DEPDC4: variants seen among roughly 807,000 people sequenced by gnomAD.
DEPDC4 encodes the protein DEP domain containing 4, also known as DEP domain-containing protein 4.
DEPDC4 carries 52 observed loss-of-function variants against 52.0 expected under a neutral mutation model. The observed-to-expected ratio is 1.00, with a 90% CI of 0.80 to 1.26. DEPDC4 has a LOEUF of 1.26. Ranked by LOEUF, DEPDC4 falls within the 50% of genes most tolerant of loss-of-function variation. DEPDC4 has a pLI of 0.00. For missense variants in DEPDC4, 530 were observed against 546.9 expected, an observed-to-expected ratio of 0.97 and a Z score of 0.31; for synonymous variants, 201 against 196.8, an observed-to-expected ratio of 1.02 and a Z score of -0.18.
chr12:100,252,159 C>A lies in DEPDC4; in HGVS notation c.1374+17G>T, dbSNP rs898111430. The stretch of plus-strand genomic sequence containing the variant: ...TAGCTTAGTAATAAATGTGCCCAGG[C>A]AAAATGCCAGAGATACCTTGAAGAG... On this transcript the variant is annotated intron_variant, in intron 7 of 9. Transcript: ENST00000550587. 4.3e-6 allele frequency: 5 copies of A among 1,156,342 alleles called. No individual in the cohort carries two copies. The Admixed American group carries it at 1.9e-4, about 44-fold the overall frequency. 71.6% of individuals were successfully genotyped at this position (1,156,342 alleles called of 1,614,324 possible).
chr12:100,258,804 T>C (rs2096243548), intron 3 of DEPDC4, among the ~76,000 whole-genome samples: 3 of 151,782 alleles, frequency 2.0e-5, no homozygotes, highest in African/African-American at 7.3e-5. Context: ...GGCGCGGTGG[T>C]TCACGTCTGT....
the DEPDC4 span, among the ~76,000 whole-genome samples, chr12:100,275,778 A>G: frequency 6.6e-6 from 1 of 152,324 alleles, no homozygotes; most frequent in East Asian, 1.9e-4. Context: ...AAAAGTGGTT[A>G]GTATTTTATC....
intron 7 of DEPDC4, among the ~76,000 whole-genome samples, chr12:100,250,188 A>G (rs970166549): frequency 3.9e-5 from 6 of 151,962 alleles, no homozygotes; most frequent in Non-Finnish European, 5.9e-5. Context: ...CCTTTTCTCC[A>G]TTTGTGGCCT....
intron 8 of DEPDC4, 70 bp downstream of exon 8, chr12:100,248,830 G>T: frequency 4.7e-6 from 3 of 634,054 alleles, no homozygotes; most frequent in Non-Finnish European, 5.9e-6. Flanking sequence ...ACTCATCTTT[G>T]ATGCCTTCCC....
At chr12:100,245,593 G>A (rs2096181819) in intron 8 of DEPDC4, among the ~76,000 whole-genome samples, 1 of 152,210 alleles carries the variant, frequency 6.6e-6, no homozygotes, top group Non-Finnish European at 1.5e-5. Flanking sequence ...ACCCACAAGT[G>A]AAATCAATTG....
At chr12:100,247,875 T>C (rs1397035226) in intron 8 of DEPDC4, among the ~76,000 whole-genome samples, 1 of 152,208 alleles carries the variant, frequency 6.6e-6, no homozygotes, top group East Asian at 1.9e-4. Flanking sequence ...TTTCCAACAA[T>C]TAATAATGCC....
chr12:100,236,994 C>G (rs908492883), downstream of DEPDC4, among the ~76,000 whole-genome samples: 10 of 151,772 alleles, frequency 6.6e-5, no homozygotes, highest in African/African-American at 1.9e-4. Context: ...GTTGGCTATA[C>G]GTATTTGGGT....
chr12:100,260,834 T>G (rs2096250997), intron 3 of DEPDC4, among the ~76,000 whole-genome samples: 1 of 151,906 alleles, frequency 6.6e-6, no homozygotes, highest in Non-Finnish European at 1.5e-5. Flanking sequence ...AGGCAGAGTT[T>G]ACAGTGAGCT....
intron 3 of DEPDC4, among the ~76,000 whole-genome samples, chr12:100,260,532 G>T (rs928346039): frequency 1.3e-5 from 2 of 151,806 alleles, no homozygotes; most frequent in African/African-American, 4.8e-5. Flanking sequence ...GATAAAAACT[G>T]TACTTCTGGG....
chr12:100,245,164 C>T lies in DEPDC4; in HGVS notation c.1454-2595G>A, dbSNP rs146387961. Among the ~76,000 whole-genome samples the T allele has an allele frequency of 6.6e-3, 1,010 of 152,154 alleles. 13 individuals carry two copies. The highest frequency in any genetic ancestry group is 0.024 in the African/African-American group (977 of 41,508). ...GGATTACAGGTGTGAGCCACCACAC[C>T]TGGCCCCATCCTTATTTTAAATCAA... On this transcript the variant is annotated intron_variant, in intron 8 of 9. Transcript: ENST00000550587.
upstream of DEPDC4, among the ~76,000 whole-genome samples, chr12:100,271,281 A>AAAAAAAAG (rs869276181): frequency 5.0e-4 from 64 of 128,910 alleles, no homozygotes; most frequent in African/African-American, 6.9e-4. Flanking sequence ...AAAAAAAAAA[A>AAAAAAAAG]AGAGAGAGAG....
At chr12:100,244,949 A>G (rs2096178963) in intron 8 of DEPDC4, among the ~76,000 whole-genome samples, 1 of 151,260 alleles carries the variant, frequency 6.6e-6, no homozygotes. Flanking sequence ...TCAGCTCACC[A>G]CAACCTCTGC....
At chr12:100,250,836 G>A (rs995425137) in intron 7 of DEPDC4, among the ~76,000 whole-genome samples, 1 of 152,176 alleles carries the variant, frequency 6.6e-6, no homozygotes. Flanking sequence ...TACATAACCT[G>A]GGCCCTTACT....
Position 100,263,904 on chromosome 12 carries a change from T to C in DEPDC4, c.158-11A>G. 6.3e-7 allele frequency: 1 copy of C among 1,580,520 alleles called. No homozygotes were observed. The highest frequency in any genetic ancestry group is 8.6e-7 in the Non-Finnish European group (1 of 1,164,560). On this transcript the variant is annotated splice_polypyrimidine_tract_variant and intron_variant, in intron 1 of 9. Transcript: ENST00000550587. ...AAGGACCAGAGCATCCTGAAAAAAA[T>C]TAAATATGCATTTCTAACAAATCTA...
At chr12:100,237,285 G>A (rs529138976), downstream of DEPDC4, among the ~76,000 whole-genome samples, 3 of 149,854 alleles carry the variant, frequency 2.0e-5, no homozygotes, top group African/African-American at 4.9e-5. Context: ...TCGGCTCACC[G>A]CAACCTCCAC....
At chr12:100,239,707 C>T (rs1036512937), downstream of DEPDC4, among the ~76,000 whole-genome samples, 18 of 151,636 alleles carry the variant, frequency 1.2e-4, no homozygotes, top group African/African-American at 3.6e-4. Context: ...TTTTTTTCCC[C>T]GCAAGACAGG....
chr12:100,247,200 T>TG (rs2096189055), intron 8 of DEPDC4, among the ~76,000 whole-genome samples: 1 of 136,000 alleles, frequency 7.4e-6, no homozygotes, highest in African/African-American at 2.8e-5. Context: ...CTCCCCTTAG[T>TG]GTTTTTTTTT....
At chr12:100,260,575 T>C (rs1331434929) in intron 3 of DEPDC4, among the ~76,000 whole-genome samples, 1 of 151,308 alleles carries the variant, frequency 6.6e-6, no homozygotes, top group Non-Finnish European at 1.5e-5. Flanking sequence ...AATATTAGTC[T>C]TCATCAGAGT....
At position 100,252,235 on chromosome 12, in the gene DEPDC4, TTAA is replaced by T; in HGVS notation, c.1312_1314del (p.Leu438del). 2 of 1,341,032 alleles carry T rather than the reference TTAA, an allele frequency of 1.5e-6. No homozygotes were observed. Among genetic ancestry groups the T allele is most frequent in the Non-Finnish European group, 9.6e-7 (1 of 1,040,370 alleles). 83.1% of individuals were successfully genotyped at this position (1,341,032 alleles called of 1,614,324 possible). A position where few individuals can be genotyped will look rare whatever the true frequency, so the allele number is the denominator to read the frequency against. The stretch of plus-strand genomic sequence containing the variant: ...CAGACCAGTTGTTCTGCCCGCACTT[TTAA>T]TAATGATTTGGCTTGCAAAACTGAT... On this transcript the variant is annotated inframe_deletion, in exon 7 of 10. Transcript: ENST00000550587.
Sources: allele counts gnomAD v4.1 joint callset (sites outside exome capture counted in the v4.1 genomes callset), GRCh38; gene constraint gnomAD v4.1.1; transcripts MANE v1.5; gene names NCBI Gene and HGNC (gene_info 2026-07-23, HGNC 2026-07-21).